PHIP: variants seen among roughly 807,000 people sequenced by gnomAD.
PHIP encodes the protein PH-interacting protein.
PHIP carries 54 observed loss-of-function variants against 236.8 expected under a neutral mutation model. The observed-to-expected ratio is 0.23, with a 90% CI of 0.18 to 0.29. PHIP has a LOEUF of 0.29. PHIP is among the 10% of genes least tolerant of loss of function. The probability of loss-of-function intolerance (pLI) is 1.00; values close to 1 mark genes in which losing one functional copy is unlikely to be tolerated. For missense variants in PHIP, 1,370 were observed against 2,190.8 expected, an observed-to-expected ratio of 0.63 and a Z score of 7.48; for synonymous variants, 756 against 718.9, an observed-to-expected ratio of 1.05 and a Z score of -0.83.
At chr6:79,077,005 T>C (rs1403718929) in intron 4 of PHIP, among the ~76,000 whole-genome samples, 1 of 152,144 alleles carries the variant, frequency 6.6e-6, no homozygotes, top group Non-Finnish European at 1.5e-5. Flanking sequence ...TCGGAGCAGT[T>C]AGTCACCAGC....
rs572986550 is a variant in PHIP, at chr6:78,998,520, T to A, written c.1880-129A>T. 6.7e-5 allele frequency: 40 copies of A among 597,916 alleles called. No homozygotes were observed. In the East Asian group the frequency reaches 8.2e-4, roughly 12 times the overall value. The allele number at this position is 597,916 out of a possible 1,614,324, so 37.0% of individuals were successfully genotyped here. A position where few individuals can be genotyped will look rare whatever the true frequency, so the allele number is the denominator to read the frequency against. Reference sequence around the variant, plus strand: ...TGGGTAAAAGACTTAAATGATCAACTATAAATGATGGGAGTTAAAAAAAAA... The same window carrying A: ...TGGGTAAAAGACTTAAATGATCAACAATAAATGATGGGAGTTAAAAAAAAA... On this transcript the variant is annotated intron_variant, in intron 17 of 39. Coordinates refer to ENST00000275034, the MANE Select transcript of PHIP (RefSeq NM_017934.7).
rs1246435555 is a variant in PHIP, at chr6:79,015,636, G to T, written c.1383C>A (p.Val461=). The T allele has an allele frequency of 3.8e-6, 6 of 1,598,348 alleles. No individual in the cohort carries two copies. The highest frequency in any genetic ancestry group is 2.2e-5 in the East Asian group (1 of 44,546). The part of the protein sequence containing the change: ...WNSYTGQLIH[V]LMGHEDEVFV... ...GATTAGAATTTTTTCTCACCATCAG[G>T]ACATGAATTAGTTGACCAGTGTAAG... Residue 461 remains valine, a synonymous_variant, in exon 14 of 40, where the codon GTC becomes GTA. Coordinates refer to ENST00000275034, the MANE Select transcript of PHIP (RefSeq NM_017934.7).
intron 23 of PHIP, among the ~76,000 whole-genome samples, chr6:78,980,604 T>C (rs2127716787): frequency 6.6e-6 from 1 of 152,014 alleles, no homozygotes; most frequent in East Asian, 1.9e-4. Context: ...TTTGTAGGTG[T>C]TGGATGTGAG....
At chr6:78,977,414 T>A (rs1046617887) in intron 24 of PHIP, among the ~76,000 whole-genome samples, 9 of 152,094 alleles carry the variant, frequency 5.9e-5, no homozygotes, top group Non-Finnish European at 1.0e-4. Flanking sequence ...TTGGGAGATA[T>A]ACCTAATGCT....
intron 24 of PHIP, among the ~76,000 whole-genome samples, chr6:78,972,299 A>G (rs1405475414): frequency 6.6e-6 from 1 of 152,182 alleles, no homozygotes; most frequent in Non-Finnish European, 1.5e-5. Context: ...GTACTCCAAC[A>G]GACCTGCAGC....
At position 78,975,732 on chromosome 6, in the gene PHIP, G is replaced by A. The variant is rs868565728; in HGVS notation, c.2889+2860C>T. Among the ~76,000 whole-genome samples the A allele has an allele frequency of 5.0e-3, 755 of 151,418 alleles. 13 individuals are homozygous for A. The highest frequency in any genetic ancestry group is 0.017 in the African/African-American group (698 of 40,980). The stretch of plus-strand genomic sequence containing the variant: ...ACAAGCATTCCTATACACCAACAAC[G>A]GACAAACAGAGAGCCAAATCATGAG... On this transcript the variant is annotated intron_variant, in intron 24 of 39. Transcript: ENST00000275034.
chr6:79,023,244 TTTG>T (rs1008901412), intron 9 of PHIP, among the ~76,000 whole-genome samples: 3 of 151,920 alleles, frequency 2.0e-5, no homozygotes, highest in Non-Finnish European at 4.4e-5. Context: ...ATGTCTGGCG[TTTG>T]TTGTTGTTGT....
chr6:78,975,948 C>T (rs1768025926), intron 24 of PHIP, among the ~76,000 whole-genome samples: 1 of 151,146 alleles, frequency 6.6e-6, no homozygotes, highest in South Asian at 2.1e-4. Context: ...GGCCATACTG[C>T]CCAAGGTAAT....
chr6:78,977,015 C>G (rs1286731232), intron 24 of PHIP, among the ~76,000 whole-genome samples: 1 of 99,876 alleles, frequency 1.0e-5, no homozygotes, highest in Non-Finnish European at 2.1e-5. Flanking sequence ...ACCCAGCCAT[C>G]CCATTACTGG....
At chr6:79,036,653 T>C (rs1338841206) in intron 7 of PHIP, among the ~76,000 whole-genome samples, 1 of 152,058 alleles carries the variant, frequency 6.6e-6, no homozygotes, top group Non-Finnish European at 1.5e-5. Context: ...CCAGGCGCGG[T>C]GGCTCACGCC....
chr6:78,985,133 T>C (rs1182886774), intron 22 of PHIP, among the ~76,000 whole-genome samples: 3 of 152,080 alleles, frequency 2.0e-5, no homozygotes, highest in African/African-American at 7.2e-5. Flanking sequence ...ACTAAGATGA[T>C]AAAGTTAAAA....
intron 9 of PHIP, among the ~76,000 whole-genome samples, chr6:79,023,755 T>C (rs1483959512): frequency 1.3e-5 from 2 of 152,152 alleles, no homozygotes; most frequent in African/African-American, 4.8e-5. Flanking sequence ...AGCTTACTTC[T>C]CAAGCATCCA....
chr6:79,070,096 A>G (rs1309387503), intron 4 of PHIP, among the ~76,000 whole-genome samples: 4 of 152,334 alleles, frequency 2.6e-5, no homozygotes, highest in East Asian at 3.9e-4. Flanking sequence ...TCCATAAACC[A>G]AAGTAGGGAT....
At chr6:79,061,158 A>T (rs1356461390) in intron 4 of PHIP, among the ~76,000 whole-genome samples, 1 of 152,312 alleles carries the variant, frequency 6.6e-6, no homozygotes, top group Admixed American at 6.5e-5. Context: ...AATACTGCTT[A>T]ATTTATACCG....
At chr6:78,994,578 A>G (rs1769489659) in intron 19 of PHIP, among the ~76,000 whole-genome samples, 1 of 1,326 alleles carries the variant, frequency 7.5e-4, no homozygotes, top group African/African-American at 1.2e-3. Context: ...CTCTGTCTCA[A>G]AAAGAAAAGA....
At chr6:78,971,947 G>C (rs1487457623) in intron 24 of PHIP, among the ~76,000 whole-genome samples, 5 of 152,088 alleles carry the variant, frequency 3.3e-5, no homozygotes, top group African/African-American at 4.8e-5. Context: ...AGCGAGGCTG[G>C]GGGAGGGGCG....
intron 15 of PHIP, among the ~76,000 whole-genome samples, chr6:79,013,931 AAGC>A (rs1308515969): frequency 6.6e-6 from 1 of 151,612 alleles, no homozygotes; most frequent in Admixed American, 6.6e-5. Context: ...AAGGATAGAA[AAGC>A]AGAAAATATT....
intron 36 of PHIP, among the ~76,000 whole-genome samples, chr6:78,947,247 C>A (rs146282113): frequency 1.3e-5 from 2 of 152,104 alleles, no homozygotes; most frequent in Non-Finnish European, 2.9e-5. Context: ...ATATAGCACT[C>A]CTTTGTGATG....
chr6:79,007,221 G>C (rs556903482), intron 15 of PHIP, among the ~76,000 whole-genome samples: 1 of 151,970 alleles, frequency 6.6e-6, no homozygotes, highest in African/African-American at 2.4e-5. Context: ...CTTTTTTGAG[G>C]GAAGGTACTA....
Sources: gnomAD v4.1 joint callset for allele counts (sites outside exome capture counted in the v4.1 genomes callset) on GRCh38, gnomAD v4.1.1 for gene constraint, MANE v1.5 for transcripts, NCBI Gene and HGNC (gene_info 2026-07-23, HGNC 2026-07-21) for gene names.